The following DCLRE1B variants were observed in gnomAD, a reference collection of about 807,000 sequenced individuals.
DCLRE1B encodes DNA cross-link repair 1B.
A neutral mutation model predicts 19.8 loss-of-function variants in DCLRE1B; 6 were observed. The observed-to-expected ratio is 0.30, with a 90% CI of 0.17 to 0.60. DCLRE1B has a LOEUF of 0.60. DCLRE1B is among the 20% of genes least tolerant of loss of function. DCLRE1B has a pLI of 0.87. For synonymous variants in DCLRE1B, 258 were observed against 255.7 expected, an observed-to-expected ratio of 1.01 and a Z score of -0.09; for missense variants, 622 against 654.2, an observed-to-expected ratio of 0.95 and a Z score of 0.54.
At chr1:113,906,880 C>A in intron 1 of DCLRE1B, 116 bp from the exon 2 acceptor site, 1 of 1,135,276 alleles carries the variant, frequency 8.8e-7, no homozygotes, top group Non-Finnish European at 1.3e-6. Flanking sequence ...ACAGCTTCTG[C>A]TCCCGGTGGC....
Position 113,912,352 on chromosome 1 carries a change from C to G in DCLRE1B, c.*161C>G, listed in dbSNP as rs909273325. 9.7e-5 allele frequency: 60 copies of G among 621,628 alleles called. No individual in the cohort carries two copies. The highest frequency in any genetic ancestry group is 1.2e-4 in the Non-Finnish European group (44 of 380,068). 38.5% of individuals were successfully genotyped at this position (621,628 alleles called of 1,614,324 possible). ...AGCAGCACTTCCCAAAACTTGTTCACTGGGGTCCTCGTGCCTATGGAATCC... is the reference window on the plus strand; with the variant it reads ...AGCAGCACTTCCCAAAACTTGTTCAGTGGGGTCCTCGTGCCTATGGAATCC... On this transcript the variant is annotated 3_prime_UTR_variant, in exon 4 of 4. Coordinates refer to ENST00000650450, the MANE Select transcript of DCLRE1B (RefSeq NM_022836.4).
chr1:113,906,290 TTA>T (rs1260695789), intron 1 of DCLRE1B, among the ~76,000 whole-genome samples: 4 of 151,688 alleles, frequency 2.6e-5, no homozygotes, highest in Non-Finnish European at 5.9e-5. Flanking sequence ...ACTCCTGACC[TTA>T]AGTGATCCGC....
upstream of DCLRE1B, chr1:113,904,713 G>A (rs1668754518): frequency 1.2e-6 from 2 of 1,612,032 alleles, no homozygotes; most frequent in African/African-American, 1.3e-5. Flanking sequence ...GCCAAGGTAC[G>A]GCATCTTCCT....
chr1:113,908,689 C>G (rs1407713322), intron 3 of DCLRE1B, among the ~76,000 whole-genome samples: 1 of 152,142 alleles, frequency 6.6e-6, no homozygotes. Context: ...ATCATCCATA[C>G]CAATTCATTT....
At chr1:113,905,020 C>T (rs28364564), upstream of DCLRE1B, 576 of 423,958 alleles carry the variant, frequency 1.4e-3, 2 homozygotes, top group African/African-American at 0.011. Context: ...TCCAGCGCCG[C>T]GTCCGACTGA....
chr1:113,910,189 G>A (rs1669202155), intron 3 of DCLRE1B, among the ~76,000 whole-genome samples: 1 of 152,120 alleles, frequency 6.6e-6, no homozygotes, highest in Non-Finnish European at 1.5e-5. Flanking sequence ...CCTGCTCTGA[G>A]CATATTATTC....
At chr1:113,906,304 C>T (rs549747679) in intron 1 of DCLRE1B, among the ~76,000 whole-genome samples, 115 of 151,782 alleles carry the variant, frequency 7.6e-4, no homozygotes, top group African/African-American at 2.3e-3. Context: ...GTGATCCGCC[C>T]GCCTCAGCCT....
At chr1:113,907,202 ATGTTTTT>A in intron 2 of DCLRE1B, 41 bp downstream of exon 2, 48 of 203,198 alleles carry the variant, frequency 2.4e-4, no homozygotes, top group Middle Eastern at 6.9e-4. Context: ...TCCAGACTAG[ATGTTTTT>A]TTTTTTTTTT....
rs1669339302 is a variant in DCLRE1B at position 113,913,503 on chromosome 1, A to G, written c.*1312A>G. 6.5e-6 allele frequency: 1 copy of G among 152,804 alleles called. No homozygotes were observed. The highest frequency in any genetic ancestry group is 6.5e-5 in the Admixed American group (1 of 15,280). 9.5% of individuals were successfully genotyped at this position (152,804 alleles called of 1,614,324 possible). On this transcript the variant is annotated 3_prime_UTR_variant, in exon 4 of 4. Transcript: ENST00000650450. ...TATTAGGAGCCACAGCAGGTGAGGC[A>G]TTTGGTGCAGCAGGAAACATGGGGA...
chr1:113,911,001 G>C, intron 3 of DCLRE1B, 130 bp from the exon 4 acceptor site: 1 of 854,122 alleles, frequency 1.2e-6, no homozygotes, highest in Non-Finnish European at 1.8e-6. Context: ...CCTCTTCCTT[G>C]ATATTCTCCC....
At chr1:113,904,892 C>T (rs536181728), upstream of DCLRE1B, 629 of 644,410 alleles carry the variant, frequency 9.8e-4, 9 homozygotes, top group South Asian at 9.6e-3. Flanking sequence ...GACACACTTC[C>T]ACGCCCTCCG....
chr1:113,907,206 T>TTTTTTG (rs1558106789), intron 2 of DCLRE1B, 45 bp downstream of exon 2: 5 of 558,658 alleles, frequency 9.0e-6, no homozygotes, highest in Admixed American at 2.8e-4. Flanking sequence ...GACTAGATGT[T>TTTTTTG]TTTTTTTTTT....
In DCLRE1B at chr1:113,913,262, G is replaced by C. The variant is rs143325700; in HGVS notation, c.*1071G>C. The C allele has an allele frequency of 3.3e-4, 50 of 152,908 alleles. No homozygotes were observed. Among genetic ancestry groups the C allele is most frequent in the African/African-American group, 1.1e-3 (45 of 41,570 alleles). 9.5% of individuals were successfully genotyped at this position (152,908 alleles called of 1,614,324 possible). On this transcript the variant is annotated 3_prime_UTR_variant, in exon 4 of 4. Coordinates refer to ENST00000650450, the MANE Select transcript of DCLRE1B (RefSeq NM_022836.4). ...GCTATGAGGGAGTAGGCTCTGAGAG[G>C]GCACAGACTTGTGGAGCTGGGCGTC...
chr1:113,911,855 G>T lies in DCLRE1B; in HGVS notation c.1263G>T (p.Arg421Ser). The T allele has an allele frequency of 6.2e-7, 1 of 1,614,208 alleles. No homozygotes were observed. The highest frequency in any genetic ancestry group is 8.5e-7 in the Non-Finnish European group (1 of 1,180,036). The change falls in exon 4 of 4, where the codon AGG becomes AGT. Residue 421 changes from arginine (R) to serine (S), a missense_variant. Physicochemically the swap from Arg to Ser is moderately radical, Grantham distance 110. Transcript: ENST00000650450. Reference sequence around the variant, plus strand: ...TGCCTTTCTGTGAGTCTCAAAAGAGGGTGACTATGTTGACGGCCCCACTGG... The same window carrying T: ...TGCCTTTCTGTGAGTCTCAAAAGAGTGTGACTATGTTGACGGCCCCACTGG... Reference protein sequence around the residue: ...KAVPFCESQKRVTMLTAPLGF... With the variant: ...KAVPFCESQKSVTMLTAPLGF...
chr1:113,906,495 C>CTTTTTT (rs142277855), intron 1 of DCLRE1B, among the ~76,000 whole-genome samples: 2 of 141,652 alleles, frequency 1.4e-5, no homozygotes, highest in Admixed American at 7.0e-5. Context: ...TTGCTGAACT[C>CTTTTTT]TTTTTTTTTT....
upstream of DCLRE1B, chr1:113,905,295 T>A (rs766600719): frequency 3.6e-5 from 15 of 420,296 alleles, no homozygotes; most frequent in Non-Finnish European, 6.4e-5. Context: ...GGAAATCGGC[T>A]ACTTTGGCCT....
intron 2 of DCLRE1B, among the ~76,000 whole-genome samples, chr1:113,907,662 C>CG (rs1475216675): frequency 1.3e-5 from 2 of 151,912 alleles, no homozygotes; most frequent in African/African-American, 4.8e-5. Context: ...TTAGTAGAGA[C>CG]GGGGTTTCAC....
At position 113,907,203 on chromosome 1, in the gene DCLRE1B, T is replaced by A. The variant is rs752943703; in HGVS notation, c.355+42T>A. 4 of 823,088 alleles carry A rather than the reference T, an allele frequency of 4.9e-6. No individual in the cohort carries two copies. The African/African-American group carries it at 6.4e-5, about 13-fold the overall frequency. The allele number at this position is 823,088 out of a possible 1,614,324, so 51.0% of individuals were successfully genotyped here. On this transcript the variant is annotated intron_variant, in intron 2 of 3. Transcript: ENST00000650450. ...ATCCCAGTGACTTCTCCAGACTAGA[T>A]GTTTTTTTTTTTTTTTTTTTTTTTT...
At chr1:113,906,676 G>A (rs1480889290) in intron 1 of DCLRE1B, among the ~76,000 whole-genome samples, 1 of 151,576 alleles carries the variant, frequency 6.6e-6, no homozygotes, top group Non-Finnish European at 1.5e-5. Flanking sequence ...GTATTTTTTA[G>A]TAGAGACGGG....
Sources: allele counts gnomAD v4.1 joint callset (sites outside exome capture counted in the v4.1 genomes callset), GRCh38; gene constraint gnomAD v4.1.1; transcripts MANE v1.5; gene names NCBI Gene and HGNC (gene_info 2026-07-23, HGNC 2026-07-21).